AFF2: variants seen among roughly 807,000 people sequenced by gnomAD.
AFF2 encodes AF4/FMR2 family member 2.
A neutral mutation model predicts 76.9 loss-of-function variants in AFF2; 14 were observed. That is an observed-to-expected ratio of 0.18 (90% confidence interval 0.12 to 0.28). The LOEUF is 0.28. AFF2 is among the 10% of genes least tolerant of loss of function. The probability of loss-of-function intolerance (pLI) is 1.00; values close to 1 mark genes in which losing one functional copy is unlikely to be tolerated. For synonymous variants in AFF2, 398 were observed against 366.7 expected (o/e 1.09, Z -0.98); for missense variants, 868 against 1,001.1 (o/e 0.87, Z 1.79).
rs16994617 is a variant in AFF2, at chrX:148,556,661, T to C, written c.47+55517T>C. Among the ~76,000 whole-genome samples the C allele has an allele frequency of 9.3e-3, 1,052 of 112,596 alleles. 14 individuals carry two copies. Among genetic ancestry groups the C allele is most frequent in the African/African-American group, 0.031 (962 of 31,031 alleles). On this transcript the variant is annotated intron_variant, in intron 1 of 20. Transcript: ENST00000370460. Reference sequence around the variant, plus strand: ...CATGATGCTTAGATAAGAAGTTGACTTGCTATAAATGGCTTGTGTTTCCCT... The same window carrying C: ...CATGATGCTTAGATAAGAAGTTGACCTGCTATAAATGGCTTGTGTTTCCCT...
intron 7 of AFF2, among the ~76,000 whole-genome samples, chrX:148,855,427 G>A (rs891128381): frequency 9.0e-6 from 1 of 111,312 alleles, no homozygotes; most frequent in East Asian, 2.8e-4. Context: ...AGTGGAAGGG[G>A]TGGTATCCAC....
intron 8 of AFF2, among the ~76,000 whole-genome samples, chrX:148,894,892 G>GATATAT (rs200455717): frequency 1.1e-3 from 124 of 109,611 alleles, no homozygotes; most frequent in African/African-American, 3.8e-3. Flanking sequence ...ATGTGAGATA[G>GATATAT]ATAGATATAT....
chrX:148,741,372 A>G (rs782217496), intron 3 of AFF2, among the ~76,000 whole-genome samples: 6 of 110,166 alleles, frequency 5.4e-5, no homozygotes, highest in South Asian at 4.0e-4. Flanking sequence ...ACCTAGGAGT[A>G]TTATGGCTGC....
At chrX:148,765,263 A>G (rs1201392494) in intron 3 of AFF2, among the ~76,000 whole-genome samples, 1 of 111,329 alleles carries the variant, frequency 9.0e-6, no homozygotes, top group African/African-American at 3.3e-5. Flanking sequence ...TCCTTCTCCA[A>G]GGTGAAGCTT....
intron 1 of AFF2, among the ~76,000 whole-genome samples, chrX:148,588,284 CGT>C (rs1216909005): frequency 8.9e-6 from 1 of 112,897 alleles, no homozygotes; most frequent in African/African-American, 3.2e-5. Flanking sequence ...CTTGAAGTGA[CGT>C]GTGTGAGTAG....
intron 1 of AFF2, among the ~76,000 whole-genome samples, chrX:148,574,906 A>C (rs782620654): frequency 9.2e-6 from 1 of 108,634 alleles, no homozygotes; most frequent in African/African-American, 3.4e-5. Context: ...TTTCATTGGA[A>C]TATTGTGCAG....
At chrX:148,505,653 A>T (rs2052403964) in intron 1 of AFF2, among the ~76,000 whole-genome samples, 1 of 111,768 alleles carries the variant, frequency 8.9e-6, no homozygotes, top group Non-Finnish European at 1.9e-5. Context: ...TAATTTCAAA[A>T]TTGTAGAAGT....
At position 148,795,832 on chromosome X, in the gene AFF2, A is replaced by AATATAT. The variant is rs1169188980; in HGVS notation, c.1042-14008_1042-14003dup. On this transcript the variant is annotated intron_variant, in intron 3 of 20. Coordinates refer to ENST00000370460, the MANE Select transcript of AFF2 (RefSeq NM_002025.4). ...AAAAAAAAAAAAAAAAAAAAAAAAA[A>AATATAT]ATATATATATATATATATATATATA... Among the ~76,000 whole-genome samples the AATATAT allele has an allele frequency of 7.2e-3, 112 of 15,520 alleles. 4 individuals carry two copies. Among genetic ancestry groups the AATATAT allele is most frequent in the Non-Finnish European group, 9.8e-3 (88 of 8,935 alleles). 13.5% of individuals were successfully genotyped at this position (15,520 alleles called of 115,157 possible).
At chrX:148,833,780 G>C (rs782500242) in intron 4 of AFF2, among the ~76,000 whole-genome samples, 1 of 111,315 alleles carries the variant, frequency 9.0e-6, no homozygotes, top group Admixed American at 9.5e-5. Flanking sequence ...GGTACAAAAA[G>C]ACCAACCAAT....
chrX:148,734,823 T>C (rs2055266626), intron 3 of AFF2, among the ~76,000 whole-genome samples: 1 of 111,654 alleles, frequency 9.0e-6, no homozygotes, highest in Non-Finnish European at 1.9e-5. Flanking sequence ...CTTCAACTGG[T>C]TTGAGTATGT....
intron 18 of AFF2, among the ~76,000 whole-genome samples, chrX:148,978,669 T>A (rs2072356138): frequency 8.9e-6 from 1 of 112,199 alleles, no homozygotes; most frequent in African/African-American, 3.2e-5. Flanking sequence ...ATCTGCTGAC[T>A]TTTTTCCAGA....
Position 148,744,260 on chromosome X carries a change from A to G in AFF2, c.1042-65616A>G, listed in dbSNP as rs961879640. On this transcript the variant is annotated intron_variant, in intron 3 of 20. Transcript: ENST00000370460. ...CAATCTGCCTTGGATTACACAACCA[A>G]TGAGTGGAAGGGCTGAGGATAAAAC... 3.6e-5 allele frequency among the ~76,000 whole-genome samples: 4 copies of G among 111,540 alleles called. No homozygotes were observed. The Admixed American group carries it at 3.8e-4, about 11-fold the overall frequency.
At position 148,973,474 on chromosome X, in the gene AFF2, G is replaced by A. The variant is rs2072284412; in HGVS notation, c.3271G>A (p.Glu1091Lys). ...ACGAGTCATCTTCCTGTTTCAGTTC[G>A]AGAAATTTGGCAAAGCTGTGAATTA... The part of the protein sequence containing the change: ...KLKHKADALF[E>K]KFGKAVNYAD... Residue 1091 changes from glutamate (E) to lysine (K), a missense_variant, in exon 16 of 21, where the codon GAG becomes AAG. Physicochemically the swap from Glu to Lys is moderately conservative, Grantham distance 56. This residue lies in a region of AFF2 where 57 missense variants were observed against 117.8 expected (regional missense o/e 0.48). Coordinates refer to ENST00000370460, the MANE Select transcript of AFF2 (RefSeq NM_002025.4). 6 of 1,209,056 alleles carry A rather than the reference G, an allele frequency of 5.0e-6. No individual in the cohort carries two copies. The highest frequency in any genetic ancestry group is 1.8e-5 in the South Asian group (1 of 56,665).
intron 1 of AFF2, among the ~76,000 whole-genome samples, chrX:148,614,683 TC>T (rs2053767558): frequency 2.1e-5 from 2 of 93,642 alleles, no homozygotes; most frequent in African/African-American, 8.0e-5. Flanking sequence ...CTTCCTTCTT[TC>T]CTTCTTTCTT....
At chrX:148,803,334 A>G (rs1165023241) in intron 3 of AFF2, among the ~76,000 whole-genome samples, 1 of 111,165 alleles carries the variant, frequency 9.0e-6, no homozygotes, top group African/African-American at 3.3e-5. Flanking sequence ...CAAGAAGCCT[A>G]GAGACTCTAA....
At chrX:148,718,271 A>G (rs981432879) in intron 3 of AFF2, among the ~76,000 whole-genome samples, 9 of 111,685 alleles carry the variant, frequency 8.1e-5, no homozygotes, top group African/African-American at 2.9e-4. Flanking sequence ...AAACATAATC[A>G]TGGATAATCA....
rs1434370560 is a variant in AFF2 at position 148,500,626 on chromosome X, T to A, written c.-472T>A. 1.4e-5 allele frequency: 1 copy of A among 71,007 alleles called. No homozygotes were observed. Among genetic ancestry groups the A allele is most frequent in the Non-Finnish European group, 2.8e-5 (1 of 35,261 alleles). The allele number at this position is 71,007 out of a possible 1,213,427, so 5.9% of individuals were successfully genotyped here. ...TGCTGCCGCGGCCGCCGCCGCCGCC[T>A]GTGCAGCCGCTGCCGCCGCCGCCGC... On this transcript the variant is annotated 5_prime_UTR_variant, in exon 1 of 21. Coordinates refer to ENST00000370460, the MANE Select transcript of AFF2 (RefSeq NM_002025.4).
At chrX:148,860,769 C>T (rs1557276343) in intron 7 of AFF2, among the ~76,000 whole-genome samples, 3 of 111,659 alleles carry the variant, frequency 2.7e-5, no homozygotes. Context: ...TCCTAAGAAA[C>T]TTTATTAGGG....
At chrX:148,526,182 G>A (rs782030033) in intron 1 of AFF2, among the ~76,000 whole-genome samples, 1 of 110,923 alleles carries the variant, frequency 9.0e-6, no homozygotes, top group South Asian at 3.8e-4. Flanking sequence ...TTAGTCGGTG[G>A]ATTCTTATTT....
Sources: allele counts gnomAD v4.1 joint callset (sites outside exome capture counted in the v4.1 genomes callset), GRCh38; gene constraint gnomAD v4.1.1; regional missense constraint gnomAD v4.1.1; transcripts MANE v1.5; gene names NCBI Gene and HGNC (gene_info 2026-07-23, HGNC 2026-07-21).